PUM2: variants seen among roughly 807,000 people sequenced by gnomAD.
PUM2 encodes pumilio RNA binding family member 2.
PUM2 carries 57 observed loss-of-function variants against 124.5 expected under a neutral mutation model. That is an observed-to-expected ratio of 0.46 (90% CI 0.37 to 0.57). The LOEUF (loss-of-function observed/expected upper bound fraction) is 0.57, where lower values mean the gene tolerates loss of function less well. Ranked by LOEUF, PUM2 falls within the 20% of genes least tolerant of loss-of-function variation. The pLI is 0.00. For synonymous variants in PUM2, 460 were observed against 446.1 expected (o/e 1.03, Z -0.39); for missense variants, 1,065 against 1,290.6 (o/e 0.83, Z 2.68).
intron 7 of PUM2, 100 bp from the exon 8 acceptor site, chr2:20,297,778 G>A (rs1675984114): frequency 4.0e-6 from 5 of 1,243,634 alleles, no homozygotes; most frequent in Non-Finnish European, 4.5e-6. Flanking sequence ...TGGTGTGGGG[G>A]TGGGGAGCAG....
chr2:20,260,210 ATATCTTATCCCTGGCTTAT>A, intron 15 of PUM2, 108 bp downstream of exon 15: 6 of 1,065,588 alleles, frequency 5.6e-6, no homozygotes. Flanking sequence ...TAATTTGTAA[ATATCTTATCCCTGGCTTAT>A]TATCTTTTTT....
At chr2:20,277,347 A>C (rs1670495001) in intron 13 of PUM2, among the ~76,000 whole-genome samples, 1 of 152,150 alleles carries the variant, frequency 6.6e-6, no homozygotes, top group Admixed American at 6.6e-5. Context: ...ATGATAAATG[A>C]AGAAAGGTAT....
In PUM2 at chr2:20,255,245, G is replaced by A. The variant is rs1175403389; in HGVS notation, c.2719C>T (p.Leu907Phe). 1.9e-6 allele frequency: 3 copies of A among 1,602,514 alleles called. No individual in the cohort carries two copies. The highest frequency in any genetic ancestry group is 1.7e-5 in the Admixed American group (1 of 60,000). Residue 907 changes from leucine (L) to phenylalanine (F), a missense_variant, in exon 18 of 21, where the codon CTC (leucine) becomes TTC (phenylalanine). This residue lies in a region of PUM2 where 968 missense variants were observed against 1,159.8 expected (regional missense o/e 0.83). Coordinates refer to ENST00000361078, the MANE Select transcript of PUM2 (RefSeq NM_015317.5). ...AEQTLPILEE[L>F]HQHTEQLVQD... The stretch of plus-strand genomic sequence containing the variant: ...ACCAACTGCTCTGTATGTTGGTGGA[G>A]TTCTTCTAAGATAGGTAAGGTCTGT...
intron 7 of PUM2, among the ~76,000 whole-genome samples, chr2:20,307,419 T>C (rs1025876515): frequency 6.6e-6 from 1 of 152,114 alleles, no homozygotes; most frequent in African/African-American, 2.4e-5. Context: ...AATAAAACTA[T>C]ACATACATAC....
At chr2:20,282,129 G>C (rs2148886038) in intron 12 of PUM2, among the ~76,000 whole-genome samples, 1 of 152,274 alleles carries the variant, frequency 6.6e-6, no homozygotes, top group African/African-American at 2.4e-5. Context: ...GATAGAACTG[G>C]GTCAGCTGTT....
intron 1 of PUM2, among the ~76,000 whole-genome samples, chr2:20,339,510 T>C (rs1686812498): frequency 6.6e-6 from 1 of 152,264 alleles, no homozygotes; most frequent in Non-Finnish European, 1.5e-5. Context: ...AGCCTTACTT[T>C]TAATACATCA....
At chr2:20,277,657 G>T (rs1367050581) in intron 13 of PUM2, among the ~76,000 whole-genome samples, 1 of 152,044 alleles carries the variant, frequency 6.6e-6, no homozygotes, top group Non-Finnish European at 1.5e-5. Flanking sequence ...CATGTAATTG[G>T]AGGGGGTGGT....
Position 20,256,159 on chromosome 2 carries a change from T to TA in PUM2, c.2495dup (p.Glu834GlyfsTer36). 1 of 1,592,776 alleles carries TA rather than the reference T, an allele frequency of 6.3e-7. No homozygotes were observed. The highest frequency in any genetic ancestry group is 8.5e-7 in the Non-Finnish European group (1 of 1,172,992). The stretch of plus-strand genomic sequence containing the variant: ...TGAGCACATGACCATCCAGCTCCTT[T>TA]ACCATTTCACTCTGCAAAAGACAGG... On this transcript the variant is annotated frameshift_variant, in exon 17 of 21. Coordinates refer to ENST00000361078, the MANE Select transcript of PUM2 (RefSeq NM_015317.5). LOFTEE classifies it high-confidence loss of function.
chr2:20,285,844 A>T (rs1003433959), intron 10 of PUM2, among the ~76,000 whole-genome samples: 1 of 152,186 alleles, frequency 6.6e-6, no homozygotes. Context: ...AAGTGGATAG[A>T]AGTTATTGGG....
intron 7 of PUM2, among the ~76,000 whole-genome samples, chr2:20,307,431 G>A (rs147035693): frequency 6.6e-6 from 1 of 152,108 alleles, no homozygotes; most frequent in African/African-American, 2.4e-5. Context: ...CATACATACT[G>A]CATCAATATC....
chr2:20,297,465 T>C, intron 8 of PUM2, 88 bp downstream of exon 8: 1 of 1,219,974 alleles, frequency 8.2e-7, no homozygotes, highest in African/African-American at 1.6e-5. Context: ...GAATTTCAAA[T>C]TGCCCAAATA....
Position 20,283,160 on chromosome 2 carries a change from C to T in PUM2, c.1507G>A (p.Gly503Ser). Residue 503 changes from glycine to serine, a missense_variant, in exon 12 of 21, where the codon GGC (glycine) becomes AGC (serine). Transcript: ENST00000361078. Reference protein sequence around the residue: ...GSTNGLFRPIGTQPPQQQQQQ... With the variant: ...GSTNGLFRPISTQPPQQQQQQ... Reference sequence around the variant, plus strand: ...TGCTGCTGCTGTGGTGGCTGAGTGCCAATTGGCCGAAACAGACCATTTGTG... The same window carrying T: ...TGCTGCTGCTGTGGTGGCTGAGTGCTAATTGGCCGAAACAGACCATTTGTG... 6.2e-7 allele frequency: 1 copy of T among 1,613,988 alleles called. No individual in the cohort carries two copies. The highest frequency in any genetic ancestry group is 8.5e-7 in the Non-Finnish European group (1 of 1,179,976).
At chr2:20,265,285 A>G (rs1405169803) in intron 13 of PUM2, among the ~76,000 whole-genome samples, 1 of 151,768 alleles carries the variant, frequency 6.6e-6, no homozygotes, top group African/African-American at 2.4e-5. Context: ...TTAAGAAGCT[A>G]TCTTACACAC....
chr2:20,285,220 A>G (rs1474917167), intron 10 of PUM2, among the ~76,000 whole-genome samples: 1 of 152,176 alleles, frequency 6.6e-6, no homozygotes, highest in Non-Finnish European at 1.5e-5. Context: ...TTACCTTCCA[A>G]TCTTTCTCAA....
intron 17 of PUM2, 27 bp from the exon 18 acceptor site, chr2:20,255,368 T>C: frequency 6.2e-7 from 1 of 1,600,710 alleles, no homozygotes; most frequent in Non-Finnish European, 8.5e-7. Context: ...GAATTAAAAT[T>C]TGTATTCTCT....
At chr2:20,351,473 C>T (rs1021881595), upstream of PUM2, among the ~76,000 whole-genome samples, 4 of 152,202 alleles carry the variant, frequency 2.6e-5, no homozygotes, top group African/African-American at 7.2e-5. Context: ...TGCTTGGTCC[C>T]GGTGCACACA....
chr2:20,304,083 A>C (rs1677647202), intron 7 of PUM2, among the ~76,000 whole-genome samples: 1 of 152,216 alleles, frequency 6.6e-6, no homozygotes, highest in Non-Finnish European at 1.5e-5. Flanking sequence ...ATTATTGCCT[A>C]AACTACATAC....
chr2:20,276,723 G>A (rs190923704), intron 13 of PUM2, among the ~76,000 whole-genome samples: 38 of 152,072 alleles, frequency 2.5e-4, no homozygotes, highest in African/African-American at 9.2e-4. Flanking sequence ...GTTATTTTCA[G>A]TCTGGCATGG....
upstream of PUM2, chr2:20,350,845 C>G (rs1025867867): frequency 2.7e-5 from 25 of 942,620 alleles, no homozygotes; most frequent in African/African-American, 3.6e-4. Context: ...GCCCTCCCCT[C>G]CCCCCCGCCC....
Sources: gnomAD v4.1 joint callset for allele counts (sites outside exome capture counted in the v4.1 genomes callset) on GRCh38, gnomAD v4.1.1 for gene constraint, gnomAD v4.1.1 regional missense constraint, MANE v1.5 for transcripts, NCBI Gene and HGNC (gene_info 2026-07-23, HGNC 2026-07-21) for gene names.